Variants in ZFYVE16 observed in about 807,000 individuals in gnomAD.
ZFYVE16 encodes the protein zinc finger FYVE domain-containing protein 16.
Under a neutral mutation model 138.1 loss-of-function variants are expected in ZFYVE16, and 89 were observed. The observed-to-expected ratio is 0.64, with a 90% CI of 0.54 to 0.77. ZFYVE16 has a LOEUF of 0.77. ZFYVE16 is among the 30% of genes least tolerant of loss of function. The pLI is 0.00. For missense variants in ZFYVE16, 1,793 were observed against 1,786.7 expected (o/e 1.00, Z -0.06); for synonymous variants, 596 against 618.3 (o/e 0.96, Z 0.53).
chr5:80,452,918 C>T (rs1317287262), intron 11 of ZFYVE16, among the ~76,000 whole-genome samples: 2 of 152,134 alleles, frequency 1.3e-5, no homozygotes, highest in East Asian at 3.9e-4. Context: ...GAGTTAGAAT[C>T]ATTTCTAGTG....
At chr5:80,461,557 C>G (rs1302409173) in intron 15 of ZFYVE16, among the ~76,000 whole-genome samples, 1 of 152,172 alleles carries the variant, frequency 6.6e-6, no homozygotes, top group East Asian at 1.9e-4. Context: ...ATTCTAGAGG[C>G]TAGAAGTCCA....
chr5:80,450,088 CAT>C (rs1298272192), intron 9 of ZFYVE16, among the ~76,000 whole-genome samples: 7 of 152,088 alleles, frequency 4.6e-5, no homozygotes, highest in Non-Finnish European at 8.8e-5. Context: ...AAGTAAGTGA[CAT>C]GTGACCTAAT....
chr5:80,458,745 G>A (rs1269721456), intron 14 of ZFYVE16, among the ~76,000 whole-genome samples: 2 of 152,152 alleles, frequency 1.3e-5, no homozygotes, highest in Non-Finnish European at 2.9e-5. Flanking sequence ...TGGAATTGGT[G>A]TGTCATAGGA....
In ZFYVE16 at chr5:80,438,708, G is replaced by C; in HGVS notation, c.2023G>C (p.Glu675Gln). 1 of 1,614,114 alleles carries C rather than the reference G, an allele frequency of 6.2e-7. No homozygotes were observed. Among genetic ancestry groups the C allele is most frequent in the East Asian group, 2.2e-5 (1 of 44,880 alleles). ...TAAGCCAGATGTTCCAGATACAATA[G>C]AAAGTGAACCCAGCACAGCAGATAC... ...LNKPDVPDTI[E>Q]SEPSTADTVV... Residue 675 changes from glutamate to glutamine, a missense_variant, in exon 4 of 19, where the codon GAA becomes CAA. This residue lies in a region of ZFYVE16 where 1,295 missense variants were observed against 1,204.3 expected (regional missense o/e 1.08). Transcript: ENST00000505560.
chr5:80,413,340 G>A (rs1580067917), intron 1 of ZFYVE16, among the ~76,000 whole-genome samples: 1 of 151,070 alleles, frequency 6.6e-6, no homozygotes, highest in Non-Finnish European at 1.5e-5. Context: ...GCATGGTGGC[G>A]CATGCCTGTA....
At chr5:80,440,587 C>T in intron 5 of ZFYVE16, 1 of 980,992 alleles carries the variant, frequency 1.0e-6, no homozygotes, top group South Asian at 4.7e-5. Context: ...GTACACTTCC[C>T]ATTATTTCTT....
rs1226938023 is a variant in ZFYVE16, at chr5:80,436,743, T to C, written c.71-13T>C. On this transcript the variant is annotated splice_polypyrimidine_tract_variant and intron_variant, in intron 3 of 18. Transcript: ENST00000505560. ...ATTTAAGTCTCCCGAATAACACTGT[T>C]TCTCTATTTCAGATGAACAAGATTA... The C allele has an allele frequency of 4.4e-6, 7 of 1,589,670 alleles. No individual in the cohort carries two copies. Among genetic ancestry groups the C allele is most frequent in the Non-Finnish European group, 6.0e-6 (7 of 1,166,550 alleles).
At chr5:80,417,518 C>T (rs374761162) in intron 1 of ZFYVE16, among the ~76,000 whole-genome samples, 11 of 152,218 alleles carry the variant, frequency 7.2e-5, no homozygotes, top group Non-Finnish European at 1.5e-4. Context: ...AAACCACTGG[C>T]TATCATTGGT....
chr5:80,451,128 C>T (rs1751949581), intron 10 of ZFYVE16, among the ~76,000 whole-genome samples: 1 of 152,048 alleles, frequency 6.6e-6, no homozygotes, highest in South Asian at 2.1e-4. Flanking sequence ...CTTGATTTTT[C>T]AGTGTATCTA....
At chr5:80,442,992 CTTCTTT>C (rs1184173729) in intron 5 of ZFYVE16, 125 bp from the exon 6 acceptor site, 1 of 906,566 alleles carries the variant, frequency 1.1e-6, no homozygotes, top group Non-Finnish European at 1.6e-6. Flanking sequence ...CCAAGTGCTA[CTTCTTT>C]TTCTTGATTA....
intron 15 of ZFYVE16, among the ~76,000 whole-genome samples, chr5:80,459,733 T>A (rs1479248855): frequency 6.6e-6 from 1 of 152,194 alleles, no homozygotes; most frequent in Admixed American, 6.5e-5. Context: ...TTTTTTACTT[T>A]GTATATACAT....
At chr5:80,432,743 A>G (rs1324845144) in intron 2 of ZFYVE16, among the ~76,000 whole-genome samples, 1 of 152,246 alleles carries the variant, frequency 6.6e-6, no homozygotes, top group East Asian at 1.9e-4. Context: ...ATTTACAAGA[A>G]AAAAACAAAC....
At chr5:80,470,097 G>GTA (rs1214177127) in intron 15 of ZFYVE16, among the ~76,000 whole-genome samples, 1 of 123,734 alleles carries the variant, frequency 8.1e-6, no homozygotes, top group African/African-American at 3.2e-5. Context: ...GTGTGTGTGT[G>GTA]TGTATTTTTT....
chr5:80,437,332 C>CA lies in ZFYVE16; in HGVS notation c.648dup (p.Asp217ArgfsTer4), dbSNP rs760026481. The CA allele has an allele frequency of 6.2e-7, 1 of 1,602,020 alleles. No individual in the cohort carries two copies. Among genetic ancestry groups the CA allele is most frequent in the Admixed American group, 1.8e-5 (1 of 56,626 alleles). On this transcript the variant is annotated frameshift_variant, in exon 4 of 19. Transcript: ENST00000505560. LOFTEE classifies it high-confidence loss of function. ...GGTATAAAAGTAGATACAACACTTT[C>CA]AGATTCCTATAATTACAGTGGAACA...
intron 1 of ZFYVE16, among the ~76,000 whole-genome samples, chr5:80,420,632 T>C (rs918200419): frequency 1.3e-5 from 2 of 152,208 alleles, no homozygotes; most frequent in African/African-American, 4.8e-5. Context: ...AACTCATCCT[T>C]TTTTATGGAT....
Position 80,477,433 on chromosome 5 carries a change from C to A in ZFYVE16, c.*56C>A. On this transcript the variant is annotated 3_prime_UTR_variant, in exon 19 of 19. Coordinates refer to ENST00000505560, the MANE Select transcript of ZFYVE16 (RefSeq NM_001284236.3). Reference sequence around the variant, plus strand: ...CCTAATTTGTTAAAACTAACTCCAGCACTAAAGCTGAAATGCCACAAACAC... The same window carrying A: ...CCTAATTTGTTAAAACTAACTCCAGAACTAAAGCTGAAATGCCACAAACAC... 1 of 1,506,586 alleles carries A rather than the reference C, an allele frequency of 6.6e-7. No individual in the cohort carries two copies. The highest frequency in any genetic ancestry group is 8.9e-7 in the Non-Finnish European group (1 of 1,123,284). The allele number at this position is 1,506,586 out of a possible 1,614,324, so 93.3% of individuals were successfully genotyped here. A position where few individuals can be genotyped will look rare whatever the true frequency, so the allele number is the denominator to read the frequency against.
chr5:80,411,613 T>A (rs954917192), intron 1 of ZFYVE16: 1 of 152,242 alleles, frequency 6.6e-6, no homozygotes, highest in Non-Finnish European at 1.5e-5. Context: ...GATGGCAGGC[T>A]CTTGTCCTCT....
At chr5:80,435,560 G>A (rs1749778370) in intron 3 of ZFYVE16, among the ~76,000 whole-genome samples, 1 of 152,178 alleles carries the variant, frequency 6.6e-6, no homozygotes, top group Non-Finnish European at 1.5e-5. Flanking sequence ...GGTTTTTATA[G>A]TGCAACTAAG....
At chr5:80,454,462 C>T (rs550172547) in intron 11 of ZFYVE16, 2 of 152,042 alleles carry the variant, frequency 1.3e-5, no homozygotes, top group African/African-American at 4.8e-5. Context: ...GACCTCATGT[C>T]CCTTCCCTTT....
Sources: gnomAD v4.1 joint callset for allele counts (sites outside exome capture counted in the v4.1 genomes callset) on GRCh38, gnomAD v4.1.1 for gene constraint, gnomAD v4.1.1 regional missense constraint, MANE v1.5 for transcripts, NCBI Gene and HGNC (gene_info 2026-07-23, HGNC 2026-07-21) for gene names.